Variants in SEMA3A observed in about 807,000 individuals in gnomAD.
The protein encoded by SEMA3A is semaphorin 3A, also known as semaphorin-3A.
Under a neutral mutation model 97.9 loss-of-function variants are expected in SEMA3A, and 29 were observed. The observed-to-expected ratio is 0.30, with a 90% CI of 0.22 to 0.40. SEMA3A has a LOEUF of 0.40. SEMA3A is among the 10% of genes least tolerant of loss of function. SEMA3A has a pLI of 1.00. For missense variants in SEMA3A, 763 were observed against 951.3 expected (o/e 0.80, Z 2.60); for synonymous variants, 321 against 323.7 (o/e 0.99, Z 0.09).
At chr7:84,382,972 A>G (rs1729591153) in intron 1 of SEMA3A, among the ~76,000 whole-genome samples, 1 of 152,082 alleles carries the variant, frequency 6.6e-6, no homozygotes. Flanking sequence ...ATTACAATAA[A>G]CATAATACTG....
rs1219495804 is a variant in SEMA3A at position 84,342,076 on chromosome 7, C to A, written c.-169+29748G>T. ...TTTTGACGGAGTTTCACCCTTGTTG[C>A]CCAGGCTGGAGTGCAATGGCACGAT... On this transcript the variant is annotated intron_variant, in intron 2 of 3. Coordinates refer to the SEMA3A transcript ENST00000424555. 2.6e-5 allele frequency among the ~76,000 whole-genome samples: 4 copies of A among 151,850 alleles called. No homozygotes were observed. The East Asian group carries it at 7.7e-4, about 29-fold the overall frequency.
chr7:84,235,124 T>G (rs1321230733), intron 3 of SEMA3A, among the ~76,000 whole-genome samples: 1 of 152,044 alleles, frequency 6.6e-6, no homozygotes, highest in Non-Finnish European at 1.5e-5. Flanking sequence ...TATTAGCAAA[T>G]TATCCAAAGA....
intron 1 of SEMA3A, among the ~76,000 whole-genome samples, chr7:84,462,329 C>T (rs1379197648): frequency 6.6e-6 from 1 of 151,940 alleles, no homozygotes; most frequent in Admixed American, 6.6e-5. Context: ...ATCTAGGGGG[C>T]TGAAATTAAT....
chr7:84,100,271 A>G (rs1034179968), intron 4 of SEMA3A, among the ~76,000 whole-genome samples: 9 of 152,146 alleles, frequency 5.9e-5, no homozygotes, highest in African/African-American at 2.2e-4. Context: ...GGAGAAAAAA[A>G]TCACTCCGAC....
At chr7:84,196,748 T>A (rs1349796913), upstream of SEMA3A, among the ~76,000 whole-genome samples, 2 of 152,184 alleles carry the variant, frequency 1.3e-5, no homozygotes, top group African/African-American at 4.8e-5. Context: ...CATGTCGCTT[T>A]GGGATTATTT....
chr7:84,395,062 A>G (rs1345869982), intron 1 of SEMA3A, among the ~76,000 whole-genome samples: 1 of 152,152 alleles, frequency 6.6e-6, no homozygotes, highest in Non-Finnish European at 1.5e-5. Context: ...AGATTGGTCT[A>G]TAAAGCTGAG....
At chr7:84,418,957 AC>A (rs2116272958) in intron 1 of SEMA3A, among the ~76,000 whole-genome samples, 1 of 120,298 alleles carries the variant, frequency 8.3e-6, no homozygotes, top group East Asian at 3.7e-4. Context: ...ATATATATAT[AC>A]ACACACACAT....
At chr7:84,313,340 A>G (rs1433125335) in intron 2 of SEMA3A, among the ~76,000 whole-genome samples, 1 of 107,836 alleles carries the variant, frequency 9.3e-6, no homozygotes, top group African/African-American at 4.4e-5. Context: ...ATATATATAT[A>G]TGTATATGTG....
In SEMA3A at chr7:84,438,251, C is replaced by T. The variant is rs915572514; in HGVS notation, c.-246+54209G>A. ...TACTGTACTCAAGAAGTTTACAGTG[C>T]TTTAAAAATGATTTTATATGTATTT... On this transcript the variant is annotated intron_variant, in intron 1 of 3. Coordinates refer to the SEMA3A transcript ENST00000424555. 1.6e-4 allele frequency among the ~76,000 whole-genome samples: 25 copies of T among 151,974 alleles called. 1 individual carries two copies. Among genetic ancestry groups the T allele is most frequent in the Non-Finnish European group, 4.4e-5 (3 of 67,934 alleles).
intron 5 of SEMA3A, among the ~76,000 whole-genome samples, chr7:84,050,747 C>T (rs192003045): frequency 3.3e-5 from 5 of 152,214 alleles, no homozygotes; most frequent in East Asian, 1.9e-4. Flanking sequence ...GCTTTTGTTG[C>T]CATGGCTTTT....
chr7:84,313,924 G>C (rs1801431115), intron 2 of SEMA3A, among the ~76,000 whole-genome samples: 1 of 151,894 alleles, frequency 6.6e-6, no homozygotes, highest in Non-Finnish European at 1.5e-5. Flanking sequence ...TATCTGATAA[G>C]AAACTGGTAT....
chr7:84,012,366 G>T (rs1226245337), intron 7 of SEMA3A, among the ~76,000 whole-genome samples: 1 of 152,056 alleles, frequency 6.6e-6, no homozygotes, highest in Non-Finnish European at 1.5e-5. Flanking sequence ...ATGATTGATA[G>T]AATCTTTAAA....
At chr7:84,360,778 A>T (rs1802698418) in intron 2 of SEMA3A, among the ~76,000 whole-genome samples, 1 of 151,982 alleles carries the variant, frequency 6.6e-6, no homozygotes, top group African/African-American at 2.4e-5. Context: ...GCAATTGTTT[A>T]AAACCTACAT....
intron 3 of SEMA3A, among the ~76,000 whole-genome samples, chr7:84,288,775 G>C (rs1800662182): frequency 6.6e-6 from 1 of 152,074 alleles, no homozygotes. Flanking sequence ...ATATTGTTTG[G>C]TGGGCATGTG....
intron 1 of SEMA3A, among the ~76,000 whole-genome samples, chr7:84,136,859 C>T (rs7811829): frequency 0.23 from 33,986 of 150,798 alleles, 3,956 homozygotes; most frequent in African/African-American, 0.27. Context: ...AGAAATAGTA[C>T]AATACTAGGC....
Position 84,016,470 on chromosome 7 carries a change from G to A in SEMA3A, c.668-2119C>T, listed in dbSNP as rs374582743. On this transcript the variant is annotated intron_variant, in intron 6 of 16. Transcript: ENST00000265362. ...GGAGAATGGCATTAACCCGGGAGGCGGAGCTTGCAGTGAGCCGAGATCGCG... is the reference window on the plus strand; with the variant it reads ...GGAGAATGGCATTAACCCGGGAGGCAGAGCTTGCAGTGAGCCGAGATCGCG... Among the ~76,000 whole-genome samples the A allele has an allele frequency of 5.9e-5, 9 of 151,682 alleles. No individual in the cohort carries two copies. In the East Asian group the frequency reaches 1.4e-3, roughly 23 times the overall value.
rs533950570 is a variant in SEMA3A, at chr7:84,461,792, T to C, written c.-246+30668A>G. On this transcript the variant is annotated intron_variant, in intron 1 of 3. Transcript: ENST00000424555. ...ACATTGAGAAAGTGGATTTGTTTCA[T>C]GCTTATGTACAACAAATTTAAGATT... 2.0e-4 allele frequency among the ~76,000 whole-genome samples: 30 copies of C among 152,310 alleles called. No homozygotes were observed. In the South Asian group the frequency reaches 6.0e-3, roughly 30 times the overall value.
chr7:84,382,640 T>C (rs911066535), intron 1 of SEMA3A, among the ~76,000 whole-genome samples: 36 of 138,400 alleles, frequency 2.6e-4, no homozygotes, highest in African/African-American at 9.8e-4. Flanking sequence ...GGGCAGATCA[T>C]GAGGTCAGGA....
intron 3 of SEMA3A, among the ~76,000 whole-genome samples, chr7:84,249,419 C>CTATCTATCT (rs1554351550): frequency 1.4e-5 from 2 of 146,838 alleles, no homozygotes; most frequent in East Asian, 4.1e-4. Context: ...ATCTATCTAT[C>CTATCTATCT]ATCTACATAT....
Sources: gnomAD v4.1 joint callset for allele counts (sites outside exome capture counted in the v4.1 genomes callset) on GRCh38, gnomAD v4.1.1 for gene constraint, MANE v1.5 for transcripts, NCBI Gene and HGNC (gene_info 2026-07-23, HGNC 2026-07-21) for gene names.